Variants in PACRG observed in about 807,000 individuals in gnomAD.
The protein encoded by PACRG is parkin coregulated.
In PACRG, 29 loss-of-function variants were observed where a neutral mutation model predicts 29.7. The observed-to-expected ratio is 0.98, with a 90% CI of 0.73 to 1.33. PACRG has a LOEUF of 1.33. Among genes scored for constraint, PACRG ranks in the 40% most tolerant of loss-of-function variants. The pLI is 0.00. For missense variants in PACRG, 279 were observed against 316.2 expected, an observed-to-expected ratio of 0.88 and a Z score of 0.89; for synonymous variants, 116 against 118.7, an observed-to-expected ratio of 0.98 and a Z score of 0.15.
intron 2 of PACRG, among the ~76,000 whole-genome samples, chr6:163,009,846 G>A (rs1159260813): frequency 5.3e-5 from 8 of 152,088 alleles, no homozygotes; most frequent in Admixed American, 5.2e-4. Flanking sequence ...AAGCTTTATT[G>A]TTGTTATAAA....
chr6:162,979,357 G>T (rs1802220605), intron 2 of PACRG, among the ~76,000 whole-genome samples: 1 of 151,982 alleles, frequency 6.6e-6, no homozygotes, highest in South Asian at 2.1e-4. Context: ...TGGATCTTTT[G>T]CCCATTTCTT....
chr6:162,993,005 A>T (rs1281221997), intron 2 of PACRG, among the ~76,000 whole-genome samples: 34 of 148,876 alleles, frequency 2.3e-4, no homozygotes, highest in African/African-American at 7.7e-4. Flanking sequence ...TGTACCCAGT[A>T]GTCATTCAGG....
intron 2 of PACRG, among the ~76,000 whole-genome samples, chr6:162,908,534 G>C (rs1479027682): frequency 6.6e-6 from 1 of 152,186 alleles, no homozygotes; most frequent in Non-Finnish European, 1.5e-5. Context: ...ATATGGCCCT[G>C]CAGCTGAAGA....
intron 2 of PACRG, among the ~76,000 whole-genome samples, chr6:162,975,067 A>G (rs1275452041): frequency 6.6e-6 from 1 of 152,216 alleles, no homozygotes; most frequent in Admixed American, 6.5e-5. Context: ...AGGAATTTCA[A>G]GAGAATCCCT....
chr6:163,199,824 G>GT (rs1164762276), intron 4 of PACRG, among the ~76,000 whole-genome samples: 1 of 152,164 alleles, frequency 6.6e-6, no homozygotes, highest in Admixed American at 6.5e-5. Context: ...CTGTGTTTGT[G>GT]TATGTGTACA....
At chr6:163,267,985 T>C (rs1783593373) in intron 4 of PACRG, among the ~76,000 whole-genome samples, 1 of 152,222 alleles carries the variant, frequency 6.6e-6, no homozygotes, top group Admixed American at 6.5e-5. Context: ...AATATGTGGC[T>C]TTAGAAAACA....
intron 4 of PACRG, among the ~76,000 whole-genome samples, chr6:163,275,383 T>G (rs1456374099): frequency 6.6e-6 from 1 of 152,202 alleles, no homozygotes; most frequent in Non-Finnish European, 1.5e-5. Flanking sequence ...ATCTTAGCTC[T>G]TCAGTAAATA....
chr6:163,289,062 G>C (rs1386713358), intron 4 of PACRG, among the ~76,000 whole-genome samples: 1 of 152,160 alleles, frequency 6.6e-6, no homozygotes, highest in Admixed American at 6.5e-5. Flanking sequence ...TGAGATGCTA[G>C]ACTGTGGCAT....
chr6:163,219,935 A>C (rs1176424819), intron 4 of PACRG, among the ~76,000 whole-genome samples: 1 of 152,136 alleles, frequency 6.6e-6, no homozygotes, highest in Non-Finnish European at 1.5e-5. Flanking sequence ...TGGCTGCCCT[A>C]TGGAAAGGCT....
intron 1 of PACRG, among the ~76,000 whole-genome samples, chr6:162,771,264 A>T (rs551253695): frequency 7.6e-4 from 116 of 152,328 alleles, no homozygotes; most frequent in African/African-American, 2.5e-3. Context: ...TATTTGAATT[A>T]TCTATGCAAG....
intron 4 of PACRG, among the ~76,000 whole-genome samples, chr6:163,129,930 T>G (rs1816667371): frequency 6.6e-6 from 1 of 152,158 alleles, no homozygotes; most frequent in Admixed American, 6.5e-5. Context: ...AAGGGGTGGA[T>G]CATTCCAGAA....
chr6:163,238,872 T>C (rs1202595246), intron 4 of PACRG, among the ~76,000 whole-genome samples: 7 of 152,260 alleles, frequency 4.6e-5, no homozygotes, highest in Admixed American at 1.3e-4. Context: ...TTCTTTGTCC[T>C]TCATACTTGA....
intron 4 of PACRG, among the ~76,000 whole-genome samples, chr6:163,252,291 C>T (rs6937962): frequency 0.033 from 4,981 of 152,364 alleles, 272 homozygotes; most frequent in African/African-American, 0.11. Flanking sequence ...CTCGGCCAGG[C>T]GCCGGCCTTC....
intron 4 of PACRG, among the ~76,000 whole-genome samples, chr6:163,296,377 A>T (rs1784779376): frequency 1.3e-5 from 2 of 151,782 alleles, no homozygotes; most frequent in South Asian, 2.1e-4. Context: ...CTCACTGCAA[A>T]CTCCACCTCC....
At chr6:162,747,325 C>CATAT (rs1190146053) in intron 1 of PACRG, among the ~76,000 whole-genome samples, 520 of 33,178 alleles carry the variant, frequency 0.016, 9 homozygotes, top group South Asian at 0.036. Context: ...TCTCCTTGCT[C>CATAT]ATATATATAT....
intron 2 of PACRG, among the ~76,000 whole-genome samples, chr6:162,931,947 A>C (rs1451178957): frequency 6.6e-6 from 1 of 152,060 alleles, no homozygotes; most frequent in Non-Finnish European, 1.5e-5. Flanking sequence ...TCATACAATG[A>C]CTTCGACATG....
chr6:162,922,046 T>C (rs1161292395), intron 2 of PACRG, among the ~76,000 whole-genome samples: 1 of 151,984 alleles, frequency 6.6e-6, no homozygotes, highest in African/African-American at 2.4e-5. Context: ...CCCCGCTTTT[T>C]CCACGTCTAG....
At chr6:162,834,844 C>T (rs1234358439) in intron 2 of PACRG, among the ~76,000 whole-genome samples, 3 of 151,814 alleles carry the variant, frequency 2.0e-5, no homozygotes, top group Non-Finnish European at 4.4e-5. Flanking sequence ...GTCCTAATGC[C>T]AAACCAAAAT....
chr6:163,146,249 C>A (rs1192162329), intron 4 of PACRG, among the ~76,000 whole-genome samples: 1 of 152,174 alleles, frequency 6.6e-6, no homozygotes, highest in Non-Finnish European at 1.5e-5. Context: ...TTGGCTTTCA[C>A]CACCACTTCC....
Sources: gnomAD v4.1 joint callset for allele counts (sites outside exome capture counted in the v4.1 genomes callset) on GRCh38, gnomAD v4.1.1 for gene constraint, MANE v1.5 for transcripts, NCBI Gene and HGNC (gene_info 2026-07-23, HGNC 2026-07-21) for gene names.